MLLT10: variants seen among roughly 807,000 people sequenced by gnomAD.
MLLT10 encodes the protein MLLT10 histone lysine methyltransferase DOT1L cofactor.
A neutral mutation model predicts 129.1 loss-of-function variants in MLLT10; 30 were observed. The observed-to-expected ratio is 0.23, with a 90% CI of 0.17 to 0.32. MLLT10 has a LOEUF of 0.32. Among genes scored for constraint, MLLT10 ranks in the 10% least tolerant of loss-of-function variants. The probability of loss-of-function intolerance (pLI) is 1.00; values close to 1 mark genes in which losing one functional copy is unlikely to be tolerated. For synonymous variants in MLLT10, 490 were observed against 446.4 expected (o/e 1.10, Z -1.23); for missense variants, 1,119 against 1,268.3 (o/e 0.88, Z 1.79).
chr10:21,641,495 A>G lies in MLLT10; in HGVS notation c.700-10178A>G, dbSNP rs115447270. On this transcript the variant is annotated intron_variant, in intron 8 of 22. Transcript: ENST00000307729. ...GAGACCCTGTCTGTATAGAAGAACA[A>G]CAGCAACAAAACATAGCTGAATGTG... Among the ~76,000 whole-genome samples, 905 of 152,266 alleles carry G rather than the reference A, an allele frequency of 5.9e-3. 3 individuals are homozygous for G. Among genetic ancestry groups the G allele is most frequent in the African/African-American group, 0.02 (851 of 41,550 alleles).
chr10:21,572,657 G>A (rs1201190410), intron 3 of MLLT10, among the ~76,000 whole-genome samples: 1 of 151,084 alleles, frequency 6.6e-6, no homozygotes, highest in Non-Finnish European at 1.5e-5. Flanking sequence ...GTCTTACTCT[G>A]TTGCCTCGCT....
chr10:21,616,117 G>A (rs1166614596), intron 7 of MLLT10, among the ~76,000 whole-genome samples: 1 of 152,018 alleles, frequency 6.6e-6, no homozygotes, highest in Admixed American at 6.6e-5. Context: ...GTGTGTATCT[G>A]TGTATCCTTT....
intron 22 of MLLT10, among the ~76,000 whole-genome samples, 177 bp from the exon 23 acceptor site, chr10:21,741,762 A>G (rs1489006934): frequency 6.6e-6 from 1 of 152,240 alleles, no homozygotes; most frequent in Non-Finnish European, 1.5e-5. Context: ...TAATGTTTTT[A>G]AAGTATTTAC....
At chr10:21,636,207 A>G (rs1465900960) in intron 8 of MLLT10, among the ~76,000 whole-genome samples, 2 of 150,380 alleles carry the variant, frequency 1.3e-5, no homozygotes, top group Non-Finnish European at 3.0e-5. Context: ...TGCAGCCTCA[A>G]CCTCCTGCAT....
chr10:21,705,515 C>G (rs558942443), intron 13 of MLLT10, among the ~76,000 whole-genome samples: 11 of 152,244 alleles, frequency 7.2e-5, no homozygotes, highest in African/African-American at 2.4e-4. Context: ...GTAGCCGGGG[C>G]AGCATTGGTC....
intron 3 of MLLT10, chr10:21,541,460 A>T (rs2035146111): frequency 6.6e-6 from 1 of 152,150 alleles, no homozygotes; most frequent in African/African-American, 2.4e-5. Flanking sequence ...ATCTCCGCTC[A>T]CTGCAACCTC....
chr10:21,740,397 T>G (rs2131598182), intron 22 of MLLT10, among the ~76,000 whole-genome samples, 161 bp downstream of exon 22: 1 of 152,248 alleles, frequency 6.6e-6, no homozygotes, highest in East Asian at 1.9e-4. Flanking sequence ...AGCCAATTTA[T>G]ACGTCCCCTA....
Position 21,665,926 on chromosome 10 carries a change from C to T in MLLT10, c.796-4523C>T, listed in dbSNP as rs542349991. ...TTTACCATGTTGGCCAGGCTGGTCT[C>T]GAACTCCTGACCTTAGTCGATCTGC... On this transcript the variant is annotated intron_variant, in intron 9 of 22. Coordinates refer to ENST00000307729, the MANE Select transcript of MLLT10 (RefSeq NM_001195626.3). Among the ~76,000 whole-genome samples the T allele has an allele frequency of 3.9e-5, 6 of 152,076 alleles. No individual in the cohort carries two copies. In the South Asian group the frequency reaches 1.0e-3, roughly 26 times the overall value.
intron 3 of MLLT10, among the ~76,000 whole-genome samples, chr10:21,541,077 T>C (rs767071667): frequency 6.6e-6 from 1 of 151,970 alleles, no homozygotes; most frequent in African/African-American, 2.4e-5. Context: ...GGAGAATCGC[T>C]TGGACCTGGG....
chr10:21,573,264 G>C (rs1177099816), intron 3 of MLLT10, among the ~76,000 whole-genome samples: 1 of 152,136 alleles, frequency 6.6e-6, no homozygotes, highest in South Asian at 2.1e-4. Flanking sequence ...AGCTGTAGGG[G>C]TTTTATTGAT....
intron 8 of MLLT10, among the ~76,000 whole-genome samples, chr10:21,645,809 T>C (rs1229180141): frequency 6.6e-6 from 1 of 152,346 alleles, no homozygotes; most frequent in Admixed American, 6.5e-5. Flanking sequence ...ACAAGTATTA[T>C]CTTCACTGCT....
intron 14 of MLLT10, among the ~76,000 whole-genome samples, chr10:21,720,456 C>A (rs977096889): frequency 6.6e-6 from 1 of 152,184 alleles, no homozygotes; most frequent in Non-Finnish European, 1.5e-5. Flanking sequence ...TTGAATTGAT[C>A]TGGAGAATAT....
intron 3 of MLLT10, among the ~76,000 whole-genome samples, chr10:21,556,275 C>G (rs1337245737): frequency 6.6e-6 from 1 of 152,164 alleles, no homozygotes; most frequent in East Asian, 1.9e-4. Context: ...AAATTTAAGA[C>G]AAATTCTTAA....
chr10:21,553,012 A>G (rs969930501), intron 3 of MLLT10, among the ~76,000 whole-genome samples: 4 of 151,856 alleles, frequency 2.6e-5, no homozygotes, highest in Admixed American at 2.6e-4. Flanking sequence ...GGAGCATCCT[A>G]AGGAACATCC....
intron 3 of MLLT10, among the ~76,000 whole-genome samples, chr10:21,574,194 A>T (rs1290900104): frequency 1.3e-5 from 2 of 152,208 alleles, no homozygotes; most frequent in Non-Finnish European, 2.9e-5. Flanking sequence ...ATCAGTTTTG[A>T]TAAGTTTCAT....
At chr10:21,565,147 T>TC (rs2039389680) in intron 3 of MLLT10, among the ~76,000 whole-genome samples, 1 of 152,216 alleles carries the variant, frequency 6.6e-6, no homozygotes, top group Admixed American at 6.6e-5. Context: ...TAGTACTTTT[T>TC]CTTTGCTCAA....
Position 21,586,276 on chromosome 10 carries a change from CTTTT to C in MLLT10, c.241-8_241-5del. 1 of 1,292,922 alleles carries C rather than the reference CTTTT, an allele frequency of 7.7e-7. No individual in the cohort carries two copies. The highest frequency in any genetic ancestry group is 1.1e-6 in the Non-Finnish European group (1 of 940,142). 80.1% of individuals were successfully genotyped at this position (1,292,922 alleles called of 1,614,324 possible). A position where few individuals can be genotyped will look rare whatever the true frequency, so the allele number is the denominator to read the frequency against. The stretch of plus-strand genomic sequence containing the variant: ...AATCTGAAATATTCATTACCTGTTT[CTTTT>C]TTTTTTTTTATAGAGATGTGAACTT... On this transcript the variant is annotated splice_polypyrimidine_tract_variant and intron_variant, in intron 3 of 22. Transcript: ENST00000307729.
chr10:21,609,407 G>C (rs2044373032), intron 5 of MLLT10, among the ~76,000 whole-genome samples: 1 of 152,222 alleles, frequency 6.6e-6, no homozygotes, highest in Non-Finnish European at 1.5e-5. Context: ...CCCCGGGTCA[G>C]AGTAACTAAC....
Position 21,534,488 on chromosome 10 carries a change from G to A in MLLT10, c.-33G>A. ...CAAGGACATGGCTCCTGACTCCTGT[G>A]CGGAACGTGAGTGACTGAGCGGCAA... is the stretch of plus-strand genomic sequence containing the variant. On this transcript the variant is annotated 5_prime_UTR_variant, in exon 1 of 23. Transcript: ENST00000307729. The A allele has an allele frequency of 2.8e-6, 2 of 712,804 alleles. No homozygotes were observed. The highest frequency in any genetic ancestry group is 3.9e-5 in the South Asian group (2 of 50,794). 44.2% of individuals were successfully genotyped at this position (712,804 alleles called of 1,614,324 possible). A position where few individuals can be genotyped will look rare whatever the true frequency, so the allele number is the denominator to read the frequency against.
Sources: gnomAD v4.1 joint callset for allele counts (sites outside exome capture counted in the v4.1 genomes callset) on GRCh38, gnomAD v4.1.1 for gene constraint, MANE v1.5 for transcripts, NCBI Gene and HGNC (gene_info 2026-07-23, HGNC 2026-07-21) for gene names.